The following ANO1 variants were observed in gnomAD, a reference collection of about 807,000 sequenced individuals.
The protein encoded by ANO1 is anoctamin-1.
A neutral mutation model predicts 124.0 loss-of-function variants in ANO1; 59 were observed. The ratio of observed to expected loss-of-function variants is 0.48; its 90% CI spans 0.39 to 0.59. ANO1 has a LOEUF of 0.59. Ranked by LOEUF, ANO1 falls within the 20% of genes least tolerant of loss-of-function variation. The pLI is 0.00. For synonymous variants in ANO1, 529 were observed against 532.0 expected, an observed-to-expected ratio of 0.99 and a Z score of 0.08; for missense variants, 1,059 against 1,328.0, an observed-to-expected ratio of 0.80 and a Z score of 3.15.
intron 11 of ANO1, among the ~76,000 whole-genome samples, chr11:70,146,832 T>C (rs929999848): frequency 6.6e-6 from 1 of 152,230 alleles, no homozygotes; most frequent in Non-Finnish European, 1.5e-5. Flanking sequence ...GCATCCAACA[T>C]GGGAGAAAGA....
intron 2 of ANO1, among the ~76,000 whole-genome samples, chr11:70,097,462 G>A (rs1052519221): frequency 5.3e-5 from 8 of 152,328 alleles, no homozygotes; most frequent in South Asian, 2.1e-4. Flanking sequence ...ACCAGGCACC[G>A]GCAATGACCT....
chr11:70,171,343 C>T (rs1295424350), intron 22 of ANO1, among the ~76,000 whole-genome samples: 2 of 151,980 alleles, frequency 1.3e-5, no homozygotes, highest in Non-Finnish European at 2.9e-5. Context: ...GACTACATTT[C>T]CTCTCTGATG....
At chr11:70,111,421 G>T (rs1473503344) in intron 6 of ANO1, among the ~76,000 whole-genome samples, 2 of 152,206 alleles carry the variant, frequency 1.3e-5, no homozygotes, top group Non-Finnish European at 2.9e-5. Context: ...CGCTCACACC[G>T]CCTGCCTCTG....
At chr11:70,175,292 G>T (rs368928426) in intron 22 of ANO1, among the ~76,000 whole-genome samples, 3 of 152,242 alleles carry the variant, frequency 2.0e-5, no homozygotes, top group African/African-American at 7.2e-5. Context: ...GTTCCTGTCC[G>T]GTTGGCTGAA....
chr11:70,009,945 C>T (rs1404943539), intron 1 of ANO1, among the ~76,000 whole-genome samples: 1 of 151,838 alleles, frequency 6.6e-6, no homozygotes. Flanking sequence ...CCCCCAAGTC[C>T]CTAGAGTCTA....
intron 1 of ANO1, among the ~76,000 whole-genome samples, chr11:70,069,536 G>A (rs1857816645): frequency 6.6e-6 from 1 of 151,576 alleles, no homozygotes. Context: ...GCTTAAAGGG[G>A]GAGGAGGACA....
chr11:70,022,860 C>T (rs1326600545), intron 1 of ANO1, among the ~76,000 whole-genome samples: 1 of 152,184 alleles, frequency 6.6e-6, no homozygotes, highest in Non-Finnish European at 1.5e-5. Flanking sequence ...TAGCCCCAGA[C>T]TATCTGGTGG....
intron 8 of ANO1, among the ~76,000 whole-genome samples, chr11:70,120,411 T>G (rs2046213307): frequency 6.6e-6 from 1 of 152,226 alleles, no homozygotes; most frequent in African/African-American, 2.4e-5. Context: ...GGGCAGCTGC[T>G]GCCTCCCCCT....
At chr11:70,008,381 A>G (rs1418149190) in intron 1 of ANO1, among the ~76,000 whole-genome samples, 2 of 152,158 alleles carry the variant, frequency 1.3e-5, no homozygotes, top group Non-Finnish European at 2.9e-5. Flanking sequence ...TGCAGGTCTT[A>G]TGTTTAGGTC....
upstream of ANO1, among the ~76,000 whole-genome samples, chr11:69,985,395 G>T (rs1324626984): frequency 2.6e-5 from 4 of 152,124 alleles, no homozygotes; most frequent in African/African-American, 9.7e-5. Flanking sequence ...GGACCCCAGT[G>T]ACCTGTAACC....
intron 24 of ANO1, 35 bp downstream of exon 24, chr11:70,182,721 G>A (rs1302717230): frequency 2.9e-5 from 41 of 1,429,482 alleles, no homozygotes; most frequent in Non-Finnish European, 3.7e-5. Flanking sequence ...GAAAAGCCAC[G>A]TTTATTGGGT....
intron 2 of ANO1, among the ~76,000 whole-genome samples, chr11:70,098,061 G>T (rs866827647): frequency 2.0e-5 from 3 of 152,304 alleles, no homozygotes; most frequent in South Asian, 2.1e-4. Context: ...TGAACCCCTT[G>T]GGGCACCCGC....
chr11:70,067,392 A>C (rs536217467), intron 1 of ANO1, among the ~76,000 whole-genome samples: 4 of 147,530 alleles, frequency 2.7e-5, no homozygotes, highest in African/African-American at 1.0e-4. Flanking sequence ...CAGTGGCGCA[A>C]TCTCCGCTCA....
At chr11:70,120,230 G>A (rs924278162) in intron 8 of ANO1, among the ~76,000 whole-genome samples, 2 of 151,474 alleles carry the variant, frequency 1.3e-5, no homozygotes, top group Non-Finnish European at 2.9e-5. Context: ...GGCAGGTCTG[G>A]GCAGGGCAGC....
rs1157830809 is a variant in ANO1 at position 70,155,970 on chromosome 11, C to T, written c.1485C>T (p.Ala495=). The T allele has an allele frequency of 2.6e-6, 4 of 1,529,536 alleles. No individual in the cohort carries two copies. Among genetic ancestry groups the T allele is most frequent in the Non-Finnish European group, 2.6e-6 (3 of 1,138,904 alleles). The allele number at this position is 1,529,536 out of a possible 1,614,324, so 94.7% of individuals were successfully genotyped here. The change falls in exon 15 of 26, where the codon GCC becomes GCT. Residue 495 remains alanine, a synonymous_variant. Coordinates refer to ENST00000355303, the MANE Select transcript of ANO1 (RefSeq NM_018043.7). ...TNKWKQRVKT[A]MAGVKLTDKV... is the part of the protein sequence containing the mutation. ...AATGGAAGCAGAGGGTTAAGACAGC[C>T]ATGGCGGGGGTGAAATTGGTACTTT...
At chr11:70,125,488 C>G (rs1484801164) in intron 9 of ANO1, among the ~76,000 whole-genome samples, 2 of 148,352 alleles carry the variant, frequency 1.3e-5, no homozygotes, top group African/African-American at 2.5e-5. Context: ...TGCGCTCCAG[C>G]CTGGGCAACA....
At chr11:70,037,911 G>A (rs1338348596) in intron 1 of ANO1, among the ~76,000 whole-genome samples, 4 of 152,114 alleles carry the variant, frequency 2.6e-5, no homozygotes, top group African/African-American at 9.7e-5. Flanking sequence ...CCATGGCAGG[G>A]TCTTGAATTA....
intron 7 of ANO1, among the ~76,000 whole-genome samples, chr11:70,114,339 G>A (rs1006519731): frequency 3.3e-5 from 5 of 152,212 alleles, no homozygotes; most frequent in Non-Finnish European, 7.3e-5. Flanking sequence ...AAGGGCGCCC[G>A]TGCTGCTAAG....
intron 1 of ANO1, among the ~76,000 whole-genome samples, chr11:70,051,820 A>G (rs141400256): frequency 1.3e-5 from 2 of 152,342 alleles, no homozygotes; most frequent in African/African-American, 4.8e-5. Flanking sequence ...TGTATTTCAA[A>G]TATCTTCTCC....
Sources: allele counts gnomAD v4.1 joint callset (sites outside exome capture counted in the v4.1 genomes callset), GRCh38; gene constraint gnomAD v4.1.1; transcripts MANE v1.5; gene names NCBI Gene and HGNC (gene_info 2026-07-23, HGNC 2026-07-21).